The following C12orf42 variants were observed in gnomAD, a reference collection of about 807,000 sequenced individuals.
C12orf42 encodes uncharacterized protein C12orf42.
A neutral mutation model predicts 21.6 loss-of-function variants in C12orf42; 25 were observed. That is an observed-to-expected ratio of 1.16 (90% CI 0.84 to 1.62). The LOEUF (loss-of-function observed/expected upper bound fraction) is 1.62, where lower values mean the gene tolerates loss of function less well. Ranked by LOEUF, C12orf42 falls within the 40% of genes most tolerant of loss-of-function variation. The probability of loss-of-function intolerance (pLI) is 0.00; values close to 1 mark genes in which losing one functional copy is unlikely to be tolerated. For missense variants in C12orf42, 483 were observed against 459.3 expected (o/e 1.05, Z -0.47); for synonymous variants, 174 against 175.0 (o/e 0.99, Z 0.05).
intron 1 of C12orf42, among the ~76,000 whole-genome samples, chr12:103,486,970 G>C (rs1368338292): frequency 3.3e-5 from 5 of 152,130 alleles, no homozygotes; most frequent in Non-Finnish European, 5.9e-5. Flanking sequence ...GTTCTGCTCT[G>C]ATCTTAGTTA....
At chr12:103,297,711 T>C (rs2037394697), downstream of C12orf42, among the ~76,000 whole-genome samples, 1 of 151,550 alleles carries the variant, frequency 6.6e-6, no homozygotes, top group Non-Finnish European at 1.5e-5. Context: ...CTCAATAAAA[T>C]ACTGGCAAAC....
downstream of C12orf42, among the ~76,000 whole-genome samples, chr12:103,301,621 G>GA (rs574168030): frequency 1.5e-3 from 231 of 152,236 alleles, 1 homozygote; most frequent in African/African-American, 5.3e-3. Context: ...AATACGACAT[G>GA]AAAAATTCCC....
intron 4 of C12orf42, among the ~76,000 whole-genome samples, chr12:103,308,614 G>A (rs922087260): frequency 6.6e-6 from 1 of 152,190 alleles, no homozygotes; most frequent in African/African-American, 2.4e-5. Flanking sequence ...GATTGGGTGA[G>A]GTGTTAAGCA....
At chr12:103,395,770 C>T (rs2047477282) in intron 3 of C12orf42, among the ~76,000 whole-genome samples, 2 of 151,664 alleles carry the variant, frequency 1.3e-5, no homozygotes, top group Non-Finnish European at 2.9e-5. Context: ...ATGGGACATC[C>T]CACTGAATAA....
intron 4 of C12orf42, among the ~76,000 whole-genome samples, chr12:103,286,975 A>G (rs2036506412): frequency 6.6e-6 from 1 of 151,434 alleles, no homozygotes; most frequent in Non-Finnish European, 1.5e-5. Context: ...ACTGGCCATC[A>G]GAGAAATGCA....
chr12:103,241,460 AAAATAT>A (rs1418453065), intron 10 of C12orf42, among the ~76,000 whole-genome samples: 2 of 152,198 alleles, frequency 1.3e-5, no homozygotes, highest in African/African-American at 2.4e-5. Flanking sequence ...GGCAATTTGA[AAAATAT>A]CTGGCAAATT....
chr12:103,184,081 G>A, the C12orf42 span, among the ~76,000 whole-genome samples: 2 of 152,188 alleles, frequency 1.3e-5, no homozygotes, highest in African/African-American at 4.8e-5. Context: ...TGATTATGTT[G>A]TTTAGAGCTT....
chr12:103,513,853 A>C, the C12orf42 span, among the ~76,000 whole-genome samples: 1 of 146,162 alleles, frequency 6.8e-6, no homozygotes, highest in Non-Finnish European at 1.5e-5. Context: ...GAGGAAAACT[A>C]AAAAAAAAAA....
the C12orf42 span, among the ~76,000 whole-genome samples, chr12:103,191,473 T>C: frequency 7.6e-6 from 1 of 131,644 alleles, no homozygotes; most frequent in Non-Finnish European, 1.5e-5. Flanking sequence ...TTTGGGATGC[T>C]GGGTCAGGCA....
chr12:103,198,185 G>C, the C12orf42 span, among the ~76,000 whole-genome samples: 1 of 152,184 alleles, frequency 6.6e-6, no homozygotes, highest in Non-Finnish European at 1.5e-5. Flanking sequence ...ACACAGTAGG[G>C]GATGGCCGTG....
chr12:103,060,004 T>C, the C12orf42 span, among the ~76,000 whole-genome samples: 1 of 152,144 alleles, frequency 6.6e-6, no homozygotes, highest in East Asian at 1.9e-4. Context: ...GAGAAAGAAA[T>C]AAAGCATTTT....
the C12orf42 span, among the ~76,000 whole-genome samples, chr12:103,053,576 T>C: frequency 6.6e-6 from 1 of 151,968 alleles, no homozygotes; most frequent in African/African-American, 2.4e-5. Context: ...ACAGGATCTT[T>C]CTAAAAGCAA....
At chr12:103,092,376 T>C in the C12orf42 span, among the ~76,000 whole-genome samples, 1 of 152,164 alleles carries the variant, frequency 6.6e-6, no homozygotes, top group African/African-American at 2.4e-5. Context: ...AAACAGCATA[T>C]GAATTTGGGA....
In C12orf42 at chr12:103,270,262, A is replaced by G. The variant is rs562780543; in HGVS notation, n.399-409T>C. 4.0e-5 allele frequency: 6 copies of G among 151,730 alleles called. No homozygotes were observed. The East Asian group carries it at 1.2e-3, about 30-fold the overall frequency. The allele number at this position is 151,730 out of a possible 1,614,324, so 9.4% of individuals were successfully genotyped here. A position where few individuals can be genotyped will look rare whatever the true frequency, so the allele number is the denominator to read the frequency against. ...GGAAGCCACATGTGAGATGAGTTTG[A>G]GAGGATCAGGAGGAGTTTACAGGCA... On this transcript the variant is annotated intron_variant and non_coding_transcript_variant, in intron 5 of 6. Coordinates refer to the C12orf42 transcript ENST00000546526.
chr12:103,507,227 A>AT, the C12orf42 span, among the ~76,000 whole-genome samples: 6,226 of 38,006 alleles, frequency 0.16, 1,393 homozygotes, highest in East Asian at 0.45. Context: ...ATATAAATAT[A>AT]AATATATATA....
At chr12:103,204,868 T>TG in the C12orf42 span, among the ~76,000 whole-genome samples, 1 of 151,876 alleles carries the variant, frequency 6.6e-6, no homozygotes, top group Admixed American at 6.6e-5. Flanking sequence ...AATATTGACC[T>TG]ATTTACAATA....
intron 4 of C12orf42, among the ~76,000 whole-genome samples, chr12:103,278,202 G>C (rs59868573): frequency 6.6e-6 from 1 of 152,002 alleles, no homozygotes; most frequent in Non-Finnish European, 1.5e-5. Flanking sequence ...AACAATGGGG[G>C]GGCTATGTCT....
chr12:103,296,801 C>T lies in C12orf42; in HGVS notation n.338-19591G>A, dbSNP rs7297811. On this transcript the variant is annotated intron_variant and non_coding_transcript_variant, in intron 4 of 6. Transcript: ENST00000546526. ...AGATTGCAAAAAATTTTATCCCATT[C>T]TGTAGGTTGCCTGTTAACTCTGATG... is the stretch of plus-strand genomic sequence containing the variant. Among the ~76,000 whole-genome samples the T allele has an allele frequency of 3.8e-3, 578 of 152,258 alleles. 3 individuals are homozygous for T. The highest frequency in any genetic ancestry group is 0.014 in the Middle Eastern group (4 of 294).
rs537403115 is a variant in C12orf42, at chr12:103,344,575, C to T, written c.259+24312G>A. Among the ~76,000 whole-genome samples the T allele has an allele frequency of 2.1e-4, 32 of 152,290 alleles. 1 individual carries two copies. The South Asian group carries it at 3.7e-3, about 18-fold the overall frequency. The stretch of plus-strand genomic sequence containing the variant: ...CCATAGCCTGGTACCATGTGACACA[C>T]ACACACAACAACACAGGTGATTGGG... On this transcript the variant is annotated intron_variant, in intron 4 of 5. Coordinates refer to ENST00000548883, the MANE Select transcript of C12orf42 (RefSeq NM_198521.5).
Sources: gnomAD v4.1 joint callset for allele counts (sites outside exome capture counted in the v4.1 genomes callset) on GRCh38, gnomAD v4.1.1 for gene constraint, MANE v1.5 for transcripts, NCBI Gene and HGNC (gene_info 2026-07-23, HGNC 2026-07-21) for gene names.